PARD3: variants seen among roughly 807,000 people sequenced by gnomAD.
PARD3 encodes the protein par-3 family cell polarity regulator.
PARD3 carries 75 observed loss-of-function variants against 155.4 expected under a neutral mutation model. That is an observed-to-expected ratio of 0.48 (90% CI 0.40 to 0.58). PARD3 has a LOEUF of 0.58. Ranked by LOEUF, PARD3 falls within the 20% of genes least tolerant of loss-of-function variation. PARD3 has a pLI of 0.00. For missense variants in PARD3, 1,642 were observed against 1,721.7 expected, an observed-to-expected ratio of 0.95 and a Z score of 0.82; for synonymous variants, 576 against 610.5, an observed-to-expected ratio of 0.94 and a Z score of 0.83.
intron 4 of PARD3, among the ~76,000 whole-genome samples, chr10:34,460,153 C>A (rs935495349): frequency 1.3e-5 from 2 of 152,078 alleles, no homozygotes; most frequent in Middle Eastern, 3.2e-3. Flanking sequence ...TTCCTCTCTA[C>A]CACCCCATTA....
intron 22 of PARD3, among the ~76,000 whole-genome samples, chr10:34,212,905 T>C (rs1031224948): frequency 7.2e-5 from 11 of 152,260 alleles, no homozygotes; most frequent in African/African-American, 2.4e-4. Flanking sequence ...CATCAGAACA[T>C]TCTTCTCGAA....
chr10:34,290,145 C>T (rs987172267), intron 20 of PARD3, among the ~76,000 whole-genome samples: 12 of 151,988 alleles, frequency 7.9e-5, no homozygotes, highest in African/African-American at 2.4e-4. Context: ...AAAAATTACA[C>T]GGAATAATAA....
At chr10:34,759,940 A>C (rs894305402) in intron 1 of PARD3, among the ~76,000 whole-genome samples, 1 of 152,244 alleles carries the variant, frequency 6.6e-6, no homozygotes, top group Non-Finnish European at 1.5e-5. Context: ...ATCTAAAAAT[A>C]CTTCGTTTTG....
At chr10:34,590,332 G>C (rs2088555241) in intron 2 of PARD3, among the ~76,000 whole-genome samples, 1 of 152,148 alleles carries the variant, frequency 6.6e-6, no homozygotes, top group South Asian at 2.1e-4. Flanking sequence ...GCATCTAATT[G>C]CTTTTCAGAA....
intron 2 of PARD3, among the ~76,000 whole-genome samples, chr10:34,650,651 A>G (rs1406749990): frequency 6.6e-6 from 1 of 152,222 alleles, no homozygotes; most frequent in Non-Finnish European, 1.5e-5. Context: ...ATGAAGGTAC[A>G]CATTGCCAGC....
intron 2 of PARD3, among the ~76,000 whole-genome samples, chr10:34,623,970 A>AC (rs2091845079): frequency 7.0e-6 from 1 of 142,038 alleles, no homozygotes; most frequent in East Asian, 2.0e-4. Flanking sequence ...ACAGAGCAAG[A>AC]CTCCGTCTCA....
intron 5 of PARD3, among the ~76,000 whole-genome samples, chr10:34,405,114 AC>A (rs1844317021): frequency 6.7e-6 from 1 of 150,080 alleles, no homozygotes; most frequent in Admixed American, 6.7e-5. Flanking sequence ...ACACACACAC[AC>A]ACTTTAAAAA....
chr10:34,494,524 C>T (rs986592042), intron 3 of PARD3, among the ~76,000 whole-genome samples: 1 of 152,064 alleles, frequency 6.6e-6, no homozygotes, highest in Admixed American at 6.6e-5. Flanking sequence ...AAAAGACTGC[C>T]CAAGAAAAGA....
chr10:34,247,568 A>G (rs990838681), intron 22 of PARD3, among the ~76,000 whole-genome samples: 3 of 152,228 alleles, frequency 2.0e-5, no homozygotes, highest in African/African-American at 7.2e-5. Context: ...GAATCAGAGG[A>G]AAAAGAATTT....
intron 3 of PARD3, among the ~76,000 whole-genome samples, chr10:34,506,266 G>T (rs140615616): frequency 3.3e-5 from 5 of 152,290 alleles, no homozygotes; most frequent in African/African-American, 1.2e-4. Context: ...TACATTTTCA[G>T]CAATACCTCT....
At position 34,361,870 on chromosome 10, in the gene PARD3, A is replaced by G. The variant is rs112857533; in HGVS notation, c.1708-1611T>C. On this transcript the variant is annotated intron_variant, in intron 12 of 24. Coordinates refer to ENST00000374788, the MANE Select transcript of PARD3 (RefSeq NM_001184785.2). ...AAAACTTATATAATGAAGAACTCAA[A>G]ATAAGAATCTGAAAAAATACAGAGT... Among the ~76,000 whole-genome samples, 1,388 of 152,340 alleles carry G rather than the reference A, an allele frequency of 9.1e-3. 21 individuals are homozygous for G. Among genetic ancestry groups the G allele is most frequent in the African/African-American group, 0.032 (1,319 of 41,576 alleles).
intron 1 of PARD3, among the ~76,000 whole-genome samples, chr10:34,781,046 G>A (rs1165779258): frequency 6.6e-6 from 1 of 152,180 alleles, no homozygotes; most frequent in African/African-American, 2.4e-5. Flanking sequence ...CATCACTCTT[G>A]CATCCCACGC....
intron 1 of PARD3, among the ~76,000 whole-genome samples, chr10:34,718,215 A>G (rs1228801668): frequency 2.6e-5 from 4 of 152,162 alleles, no homozygotes; most frequent in Admixed American, 2.6e-4. Flanking sequence ...GGTCACTAAC[A>G]ATACTCAGTT....
At chr10:34,375,405 C>T (rs1226064568) in intron 10 of PARD3, among the ~76,000 whole-genome samples, 6 of 152,022 alleles carry the variant, frequency 3.9e-5, no homozygotes, top group African/African-American at 1.2e-4. Flanking sequence ...AGGTGTTGCT[C>T]TTATAAAGGG....
At chr10:34,325,230 G>A (rs149451841) in intron 19 of PARD3, among the ~76,000 whole-genome samples, 3 of 152,076 alleles carry the variant, frequency 2.0e-5, no homozygotes, top group East Asian at 1.9e-4. Context: ...GGCTGGTCTC[G>A]AACTCCTGAT....
intron 2 of PARD3, among the ~76,000 whole-genome samples, chr10:34,642,959 G>A (rs867709853): frequency 2.6e-5 from 4 of 152,150 alleles, no homozygotes; most frequent in Non-Finnish European, 4.4e-5. Flanking sequence ...ATGCCCAGAA[G>A]GGCCTTTGCT....
intron 1 of PARD3, among the ~76,000 whole-genome samples, chr10:34,729,864 A>G (rs2133805954): frequency 6.6e-6 from 1 of 152,272 alleles, no homozygotes; most frequent in South Asian, 2.1e-4. Context: ...ATGCATCCCC[A>G]GGGAGAGATT....
At chr10:34,544,192 G>T (rs1014640230) in intron 2 of PARD3, among the ~76,000 whole-genome samples, 1 of 152,098 alleles carries the variant, frequency 6.6e-6, no homozygotes, top group South Asian at 2.1e-4. Context: ...GGAAAAAAAT[G>T]TTTAAGTGAA....
chr10:34,572,824 T>C (rs1003811732), intron 2 of PARD3, among the ~76,000 whole-genome samples: 1 of 151,898 alleles, frequency 6.6e-6, no homozygotes, highest in African/African-American at 2.4e-5. Flanking sequence ...AAGCTATAGA[T>C]AAAACATAAC....
Sources: gnomAD v4.1 joint callset for allele counts (sites outside exome capture counted in the v4.1 genomes callset) on GRCh38, gnomAD v4.1.1 for gene constraint, MANE v1.5 for transcripts, NCBI Gene and HGNC (gene_info 2026-07-23, HGNC 2026-07-21) for gene names.